Variants in ADK observed in about 807,000 individuals in gnomAD.
ADK encodes adenosine kinase.
A neutral mutation model predicts 44.7 loss-of-function variants in ADK; 24 were observed. The observed-to-expected ratio is 0.54, with a 90% CI of 0.39 to 0.76. ADK has a LOEUF of 0.76. Among genes scored for constraint, ADK ranks in the 30% least tolerant of loss-of-function variants. The pLI, the probability that ADK is intolerant of heterozygous loss-of-function variation, is 0.00. For synonymous variants in ADK, 128 were observed against 142.6 expected (o/e 0.90, Z 0.73); for missense variants, 321 against 425.1 (o/e 0.76, Z 2.15).
At chr10:74,154,459 G>A (rs1252467439) in intron 1 of ADK, among the ~76,000 whole-genome samples, 3 of 151,982 alleles carry the variant, frequency 2.0e-5, no homozygotes, top group South Asian at 4.1e-4. Flanking sequence ...AGTAGAGACG[G>A]GATTTTGCCA....
chr10:74,538,047 A>G (rs1228402340), intron 7 of ADK, among the ~76,000 whole-genome samples: 2 of 152,276 alleles, frequency 1.3e-5, no homozygotes, highest in Admixed American at 6.5e-5. Flanking sequence ...ACCTGAGGTC[A>G]GGAGTTCCAG....
chr10:74,448,258 A>C (rs903179925), intron 6 of ADK, among the ~76,000 whole-genome samples: 2 of 152,108 alleles, frequency 1.3e-5, no homozygotes, highest in Non-Finnish European at 2.9e-5. Context: ...GTTCAAGTCC[A>C]GCCGGGGCAA....
At chr10:74,247,739 CAG>C (rs1845477394) in intron 3 of ADK, among the ~76,000 whole-genome samples, 1 of 151,998 alleles carries the variant, frequency 6.6e-6, no homozygotes, top group African/African-American at 2.4e-5. Flanking sequence ...ATATATGAAA[CAG>C]TGTAACCTTA....
chr10:74,273,834 A>G (rs989670123), intron 3 of ADK, among the ~76,000 whole-genome samples: 9 of 152,214 alleles, frequency 5.9e-5, no homozygotes, highest in African/African-American at 1.7e-4. Context: ...GTCCATTTTC[A>G]GAGAATCCAG....
At chr10:74,360,027 A>G (rs1336808419) in intron 4 of ADK, among the ~76,000 whole-genome samples, 1 of 152,170 alleles carries the variant, frequency 6.6e-6, no homozygotes, top group Non-Finnish European at 1.5e-5. Context: ...ACCAGTTCTA[A>G]TATAATATGG....
chr10:74,554,827 C>G (rs1017594383), intron 7 of ADK, among the ~76,000 whole-genome samples: 2 of 151,024 alleles, frequency 1.3e-5, no homozygotes, highest in Non-Finnish European at 2.9e-5. Context: ...TGTTTTCTTT[C>G]CCACAGAATA....
intron 10 of ADK, among the ~76,000 whole-genome samples, chr10:74,691,723 A>G (rs895120351): frequency 6.6e-6 from 1 of 152,232 alleles, no homozygotes. Flanking sequence ...CAACAGATCA[A>G]TGAGTTTGGG....
intron 9 of ADK, among the ~76,000 whole-genome samples, chr10:74,608,751 C>T (rs574371933): frequency 2.0e-5 from 3 of 152,248 alleles, no homozygotes; most frequent in East Asian, 1.9e-4. Flanking sequence ...AGCTCGAGCA[C>T]TGTGCTGGGA....
At chr10:74,559,191 T>C (rs1164991628) in intron 7 of ADK, among the ~76,000 whole-genome samples, 1 of 152,226 alleles carries the variant, frequency 6.6e-6, no homozygotes, top group Non-Finnish European at 1.5e-5. Context: ...CTGACGCTGT[T>C]CATCCACTGA....
intron 2 of ADK, among the ~76,000 whole-genome samples, chr10:74,224,029 G>A (rs1490134841): frequency 1.3e-5 from 2 of 152,134 alleles, no homozygotes; most frequent in African/African-American, 4.8e-5. Flanking sequence ...ACTGAGTCAA[G>A]ATCGTGCCAC....
chr10:74,661,186 A>T (rs1854712162), intron 9 of ADK: 3 of 298,146 alleles, frequency 1.0e-5, no homozygotes, highest in Non-Finnish European at 1.5e-5. Flanking sequence ...AATTTAGTCA[A>T]ATTTGGTTAT....
chr10:74,563,690 A>G (rs941345305), intron 7 of ADK, among the ~76,000 whole-genome samples: 12 of 152,330 alleles, frequency 7.9e-5, no homozygotes, highest in African/African-American at 2.6e-4. Context: ...AAATGCATGT[A>G]TACATATGTC....
chr10:74,300,739 A>T (rs1840003894), intron 3 of ADK, among the ~76,000 whole-genome samples: 1 of 152,172 alleles, frequency 6.6e-6, no homozygotes, highest in Non-Finnish European at 1.5e-5. Context: ...ATACTATGGT[A>T]AAGTTATTTG....
At chr10:74,300,579 A>G (rs918630876) in intron 3 of ADK, among the ~76,000 whole-genome samples, 1 of 151,966 alleles carries the variant, frequency 6.6e-6, no homozygotes, top group Non-Finnish European at 1.5e-5. Flanking sequence ...GGATTTCACC[A>G]TGTTGACCAG....
At position 74,453,998 on chromosome 10, in the gene ADK, G is replaced by A. The variant is rs139797440; in HGVS notation, c.555+55419G>A. Among the ~76,000 whole-genome samples the A allele has an allele frequency of 2.4e-3, 371 of 152,124 alleles. 3 individuals are homozygous for A. The highest frequency in any genetic ancestry group is 3.5e-3 in the Non-Finnish European group (240 of 67,940). On this transcript the variant is annotated intron_variant, in intron 6 of 10. Coordinates refer to ENST00000539909, the MANE Select transcript of ADK (RefSeq NM_006721.4). ...TTCATTAACATCTTAAAGTTTTCTC[G>A]TAGCTAACAGATGTCCATGATATTT...
chr10:74,324,724 G>A (rs557039988), intron 4 of ADK, among the ~76,000 whole-genome samples: 22 of 152,218 alleles, frequency 1.4e-4, no homozygotes, highest in African/African-American at 5.3e-4. Context: ...AAATATGGAC[G>A]TGCAGATATA....
intron 7 of ADK, among the ~76,000 whole-genome samples, chr10:74,586,364 A>G (rs1296358632): frequency 1.3e-5 from 2 of 152,194 alleles, no homozygotes; most frequent in African/African-American, 4.8e-5. Context: ...GGGGGCACTA[A>G]GACAAAAAAT....
intron 10 of ADK, among the ~76,000 whole-genome samples, chr10:74,705,135 T>A (rs1856553667): frequency 6.6e-6 from 1 of 152,222 alleles, no homozygotes; most frequent in Non-Finnish European, 1.5e-5. Flanking sequence ...CATAAATCAC[T>A]TATAATGTTC....
intron 7 of ADK, among the ~76,000 whole-genome samples, chr10:74,558,889 G>A (rs1368485283): frequency 6.6e-6 from 1 of 152,138 alleles, no homozygotes; most frequent in African/African-American, 2.4e-5. Context: ...TGATGCTTCA[G>A]AGACAAGGGT....
Sources: allele counts gnomAD v4.1 joint callset (sites outside exome capture counted in the v4.1 genomes callset), GRCh38; gene constraint gnomAD v4.1.1; transcripts MANE v1.5; gene names NCBI Gene and HGNC (gene_info 2026-07-23, HGNC 2026-07-21).